NEDD4: variants seen among roughly 807,000 people sequenced by gnomAD.
NEDD4 encodes E3 ubiquitin-protein ligase NEDD4.
Under a neutral mutation model 144.9 loss-of-function variants are expected in NEDD4, and 99 were observed. The observed-to-expected ratio is 0.68, with a 90% CI of 0.58 to 0.81. The LOEUF (loss-of-function observed/expected upper bound fraction) is 0.81. NEDD4 is among the 30% of genes least tolerant of loss of function. The pLI is 0.00. For missense variants in NEDD4, 985 were observed against 1,065.9 expected (o/e 0.92, Z 1.06); for synonymous variants, 318 against 350.6 (o/e 0.91, Z 1.04).
intron 4 of NEDD4, among the ~76,000 whole-genome samples, chr15:55,934,443 A>T (rs1318924843): frequency 6.6e-6 from 1 of 152,230 alleles, no homozygotes; most frequent in Non-Finnish European, 1.5e-5. Flanking sequence ...TTCTGTGCAT[A>T]TATTTTAATA....
chr15:55,886,108 C>A (rs1288499330), intron 5 of NEDD4, among the ~76,000 whole-genome samples: 2 of 152,044 alleles, frequency 1.3e-5, no homozygotes, highest in Non-Finnish European at 2.9e-5. Context: ...CAAAGAAGGT[C>A]ATTATATAAT....
At chr15:55,981,587 G>C (rs2140445861) in intron 1 of NEDD4, among the ~76,000 whole-genome samples, 1 of 152,266 alleles carries the variant, frequency 6.6e-6, no homozygotes, top group Non-Finnish European at 1.5e-5. Context: ...CCACATGCAT[G>C]AGTCAGAATT....
In NEDD4 at chr15:55,845,897, T is replaced by C. The variant is rs2033721583; in HGVS notation, c.1608+1072A>G. ...GCCTCCTGGGTTCAAGCGGTTCTCCTGCCTCAGCCTCCGGAGTAGCCGGGA... is the reference window on the plus strand; with the variant it reads ...GCCTCCTGGGTTCAAGCGGTTCTCCCGCCTCAGCCTCCGGAGTAGCCGGGA... On this transcript the variant is annotated intron_variant, in intron 18 of 28. Coordinates refer to ENST00000435532, the MANE Select transcript of NEDD4 (RefSeq NM_006154.4). Among the ~76,000 whole-genome samples the C allele has an allele frequency of 4.6e-5, 7 of 151,672 alleles. No individual in the cohort carries two copies. The South Asian group carries it at 1.5e-3, about 32-fold the overall frequency.
At chr15:55,837,743 G>T in intron 24 of NEDD4, 46 bp downstream of exon 24, 2 of 1,429,174 alleles carry the variant, frequency 1.4e-6, no homozygotes, top group Non-Finnish European at 2.0e-6. Flanking sequence ...AAACTTATAG[G>T]TTATACTGTG....
rs1246889240 is a variant in NEDD4 at position 55,951,522 on chromosome 15, T to G, written c.187A>C (p.Thr63Pro). Residue 63 changes from threonine (T) to proline (P), a missense_variant, in exon 3 of 29, where the codon ACC becomes CCC. Physicochemically the swap from Thr to Pro is conservative, Grantham distance 38 (BLOSUM62 -1). Transcript: ENST00000435532. Reference protein sequence around the residue: ...NGVLTSVQTKTIKKSLNPKWN... With the variant: ...NGVLTSVQTKPIKKSLNPKWN... Reference sequence around the variant, plus strand: ...TTGCTAAGTCTAACCTTTTTAATGGTTTTTGTTTGCACACTTGTAAGAACT... The same window carrying G: ...TTGCTAAGTCTAACCTTTTTAATGGGTTTTGTTTGCACACTTGTAAGAACT... The G allele has an allele frequency of 3.3e-6, 5 of 1,529,152 alleles. No individual in the cohort carries two copies. The highest frequency in any genetic ancestry group is 4.4e-6 in the Non-Finnish European group (5 of 1,139,870). 94.7% of individuals were successfully genotyped at this position (1,529,152 alleles called of 1,614,324 possible).
chr15:55,974,897 T>C (rs1338251312), intron 1 of NEDD4, among the ~76,000 whole-genome samples: 2,214 of 126,464 alleles, frequency 0.018, 105 homozygotes, highest in African/African-American at 0.064. Flanking sequence ...CTTTCTTTTT[T>C]TTTTTTTTTT....
At chr15:55,946,787 C>T (rs374995949) in intron 4 of NEDD4, among the ~76,000 whole-genome samples, 4 of 152,244 alleles carry the variant, frequency 2.6e-5, no homozygotes, top group Admixed American at 6.5e-5. Context: ...TGTAAAAGAA[C>T]AGAAATTATA....
At chr15:55,867,351 A>G (rs1045662527) in intron 8 of NEDD4, among the ~76,000 whole-genome samples, 10 of 152,198 alleles carry the variant, frequency 6.6e-5, no homozygotes, top group Non-Finnish European at 1.5e-4. Context: ...TATAAGGTGC[A>G]TTCTGAGGGA....
At chr15:55,835,802 T>C (rs1427484174) in intron 24 of NEDD4, among the ~76,000 whole-genome samples, 2 of 152,222 alleles carry the variant, frequency 1.3e-5, no homozygotes, top group Non-Finnish European at 2.9e-5. Context: ...TCTCTGCTGC[T>C]AGTCTGGCTC....
chr15:55,857,453 C>T (rs570814100), intron 11 of NEDD4, among the ~76,000 whole-genome samples: 6 of 152,158 alleles, frequency 3.9e-5, no homozygotes, highest in African/African-American at 7.2e-5. Context: ...CTCAGCCTAC[C>T]GAGTAGCTGG....
chr15:55,988,059 G>C (rs1316846100), intron 1 of NEDD4: 1 of 151,078 alleles, frequency 6.6e-6, no homozygotes, highest in South Asian at 2.1e-4. Context: ...CAATAGCAAA[G>C]ACTTGGAACC....
intron 18 of NEDD4, among the ~76,000 whole-genome samples, chr15:55,846,606 C>G (rs144659506): frequency 6.6e-6 from 1 of 152,242 alleles, no homozygotes; most frequent in Non-Finnish European, 1.5e-5. Context: ...AAATCCAGAC[C>G]GTCCTCCAAC....
At chr15:55,859,144 C>G (rs2034306520) in intron 11 of NEDD4, among the ~76,000 whole-genome samples, 1 of 152,160 alleles carries the variant, frequency 6.6e-6, no homozygotes, top group Non-Finnish European at 1.5e-5. Flanking sequence ...GCAGGGAAAC[C>G]TCAACTGGAA....
intron 1 of NEDD4, among the ~76,000 whole-genome samples, chr15:55,985,674 T>C (rs73420366): frequency 0.017 from 2,532 of 152,224 alleles, 75 homozygotes; most frequent in African/African-American, 0.058. Flanking sequence ...TATGAATTCA[T>C]GATTTTTAAA....
rs752154317 is a variant in NEDD4, at chr15:55,842,100, G to A, written c.1672C>T (p.Arg558Trp). 4.8e-5 allele frequency: 77 copies of A among 1,613,926 alleles called. 1 individual carries two copies. Among genetic ancestry groups the A allele is most frequent in the Middle Eastern group, 1.6e-4 (1 of 6,084 alleles). The change falls in exon 19 of 29, where the codon CGG becomes TGG. Residue 558 changes from arginine to tryptophan, a missense_variant. By Grantham distance (101) the Arg-to-Trp change is moderately radical. Transcript: ENST00000435532. ...GCTCTCTTGACACCCATAATTCTCC[G>A]GTAAGAGTCTTCAAGAACAGTTGCT... ...RRATVLEDSY[R>W]RIMGVKRADF...
At position 55,936,108 on chromosome 15, in the gene NEDD4, A is replaced by G. The variant is rs1367579066; in HGVS notation, c.238-11409T>C. On this transcript the variant is annotated intron_variant, in intron 4 of 28. Transcript: ENST00000435532. ...TACTTCAAGTCTATAACTTGAAGCT[A>G]AAAGCATCCTAAATGATACACTTTG... Among the ~76,000 whole-genome samples the G allele has an allele frequency of 2.0e-5, 3 of 152,290 alleles. No individual in the cohort carries two copies. The East Asian group carries it at 5.8e-4, about 29-fold the overall frequency.
At chr15:55,874,691 AC>A (rs1245965064) in intron 5 of NEDD4, among the ~76,000 whole-genome samples, 1 of 152,180 alleles carries the variant, frequency 6.6e-6, no homozygotes, top group Non-Finnish European at 1.5e-5. Flanking sequence ...ACAAAAATCA[AC>A]ACTGGGCATG....
chr15:55,927,916 T>C (rs1230466753), intron 4 of NEDD4, among the ~76,000 whole-genome samples: 2 of 152,200 alleles, frequency 1.3e-5, no homozygotes, highest in African/African-American at 2.4e-5. Flanking sequence ...TATCAAAATA[T>C]CTAGCAGACA....
chr15:55,921,566 C>T (rs2036570107), intron 5 of NEDD4, among the ~76,000 whole-genome samples: 1 of 152,122 alleles, frequency 6.6e-6, no homozygotes, highest in African/African-American at 2.4e-5. Flanking sequence ...ATCAGGTGTT[C>T]ACCTAACCTC....
Sources: allele counts gnomAD v4.1 joint callset (sites outside exome capture counted in the v4.1 genomes callset), GRCh38; gene constraint gnomAD v4.1.1; transcripts MANE v1.5; gene names NCBI Gene and HGNC (gene_info 2026-07-23, HGNC 2026-07-21).